Variants in TMTC1 observed in about 807,000 individuals in gnomAD.
TMTC1 encodes the protein protein O-mannosyl-transferase TMTC1.
TMTC1 carries 73 observed loss-of-function variants against 104.8 expected under a neutral mutation model. The observed-to-expected ratio is 0.70, with a 90% CI of 0.58 to 0.85. The LOEUF (loss-of-function observed/expected upper bound fraction) is 0.85, where lower values mean the gene tolerates loss of function less well. Ranked by LOEUF, TMTC1 falls within the 40% of genes least tolerant of loss-of-function variation. The pLI, the probability that TMTC1 is intolerant of heterozygous loss-of-function variation, is 0.00. For synonymous variants in TMTC1, 434 were observed against 428.7 expected (o/e 1.01, Z -0.15); for missense variants, 1,035 against 1,096.1 (o/e 0.94, Z 0.79).
At chr12:29,661,370 T>A in intron 5 of TMTC1, 5 of 975,408 alleles carry the variant, frequency 5.1e-6, no homozygotes, top group Non-Finnish European at 6.1e-6. Flanking sequence ...ACCTCACAGA[T>A]CTCTTACCTC....
chr12:29,551,834 G>A (rs1945114991), intron 10 of TMTC1, among the ~76,000 whole-genome samples: 1 of 143,674 alleles, frequency 7.0e-6, no homozygotes. Flanking sequence ...AAGCCAACAA[G>A]AATTAATATA....
At position 29,751,771 on chromosome 12, in the gene TMTC1, C is replaced by A; in HGVS notation, c.833G>T (p.Arg278Leu). The A allele has an allele frequency of 1.9e-6, 3 of 1,614,030 alleles. No individual in the cohort carries two copies. The highest frequency in any genetic ancestry group is 2.5e-6 in the Non-Finnish European group (3 of 1,180,002). ...ACCCCAAGCTCCTTTGTGAGGGAAC[C>A]GCTGCTGCTTCCCATTCTCCCGGTG... ...HPHRENGKQQ[R>L]FPHKGAWGGC... The change falls in exon 5 of 18, where the codon CGG (arginine) becomes CTG (leucine). Residue 278 changes from arginine to leucine, a missense_variant. Physicochemically the swap from Arg to Leu is moderately radical, Grantham distance 102. Coordinates refer to ENST00000539277, the MANE Select transcript of TMTC1 (RefSeq NM_001193451.2).
chr12:29,752,341 T>A (rs943132515), intron 4 of TMTC1, among the ~76,000 whole-genome samples: 1 of 152,174 alleles, frequency 6.6e-6, no homozygotes, highest in African/African-American at 2.4e-5. Context: ...GTAACTCACA[T>A]AACCCACTAG....
intron 1 of TMTC1, among the ~76,000 whole-genome samples, chr12:29,780,482 T>G (rs889657289): frequency 2.6e-5 from 4 of 152,276 alleles, no homozygotes; most frequent in African/African-American, 9.6e-5. Flanking sequence ...TGTTATGGAT[T>G]TGGGTGAGGG....
chr12:29,567,218 C>T (rs1279535665), intron 9 of TMTC1, among the ~76,000 whole-genome samples: 1 of 152,196 alleles, frequency 6.6e-6, no homozygotes, highest in Non-Finnish European at 1.5e-5. Flanking sequence ...AATAAACTTC[C>T]TGCTTGCAAA....
chr12:29,701,521 C>T (rs187343235), intron 5 of TMTC1, among the ~76,000 whole-genome samples: 48 of 152,338 alleles, frequency 3.2e-4, no homozygotes, highest in Middle Eastern at 3.4e-3. Context: ...CCCCTTCCTT[C>T]CTACTCTGCT....
At chr12:29,515,402 T>C (rs1943955169) in intron 15 of TMTC1, among the ~76,000 whole-genome samples, 1 of 152,178 alleles carries the variant, frequency 6.6e-6, no homozygotes, top group African/African-American at 2.4e-5. Flanking sequence ...AGGAGTCTCC[T>C]CCCAGCAGCC....
intron 5 of TMTC1, among the ~76,000 whole-genome samples, chr12:29,660,467 G>A (rs1378878438): frequency 6.6e-6 from 1 of 152,156 alleles, no homozygotes; most frequent in Non-Finnish European, 1.5e-5. Context: ...AAAGCTGGGG[G>A]TGGTTTGTTA....
At chr12:29,637,085 A>AAAACACACACACACACACACAC (rs374276185) in intron 5 of TMTC1, among the ~76,000 whole-genome samples, 2 of 47,644 alleles carry the variant, frequency 4.2e-5, no homozygotes, top group Non-Finnish European at 1.2e-4. Flanking sequence ...CAAAATGAGA[A>AAAACACACACACACACACACAC]ACACACACAC....
intron 5 of TMTC1, among the ~76,000 whole-genome samples, chr12:29,723,627 G>A (rs1046058977): frequency 3.3e-5 from 5 of 151,898 alleles, no homozygotes; most frequent in African/African-American, 7.3e-5. Context: ...TAGATGGATC[G>A]CAGGAGCACA....
At chr12:29,709,090 G>T (rs1192426333) in intron 5 of TMTC1, among the ~76,000 whole-genome samples, 1 of 152,028 alleles carries the variant, frequency 6.6e-6, no homozygotes, top group Non-Finnish European at 1.5e-5. Flanking sequence ...GTTTATTTTT[G>T]CACTATATAT....
chr12:29,713,405 C>A (rs1941991827), intron 5 of TMTC1, among the ~76,000 whole-genome samples: 2 of 151,834 alleles, frequency 1.3e-5, no homozygotes, highest in East Asian at 3.9e-4. Context: ...CTAATGTTCT[C>A]CATCAGTTTG....
rs376455134 is a variant in TMTC1 at position 29,755,665 on chromosome 12, G to T, written c.731+44C>A. On this transcript the variant is annotated intron_variant, in intron 4 of 17. Coordinates refer to ENST00000539277, the MANE Select transcript of TMTC1 (RefSeq NM_001193451.2). ...GGAAACTATTAAGTAATTTTTCTCT[G>T]CCCATGACATGCCATTTGATATCAA... 40 of 1,564,326 alleles carry T rather than the reference G, an allele frequency of 2.6e-5. No homozygotes were observed. In the African/African-American group the frequency reaches 5.4e-4, roughly 21 times the overall value.
chr12:29,578,784 GA>G (rs765197823), intron 8 of TMTC1, among the ~76,000 whole-genome samples: 48 of 152,198 alleles, frequency 3.2e-4, no homozygotes, highest in Non-Finnish European at 6.2e-4. Flanking sequence ...GAACAAACAT[GA>G]AAAAAATACT....
At chr12:29,738,306 T>A (rs1271463262) in intron 5 of TMTC1, among the ~76,000 whole-genome samples, 1 of 152,174 alleles carries the variant, frequency 6.6e-6, no homozygotes, top group Non-Finnish European at 1.5e-5. Context: ...GGAAGGAAAT[T>A]CTAAAATCAT....
chr12:29,545,145 GT>G (rs34797952), intron 10 of TMTC1, among the ~76,000 whole-genome samples: 114,027 of 149,978 alleles, frequency 0.76, 43,396 homozygotes, highest in Middle Eastern at 0.87. Flanking sequence ...TCACAGATGG[GT>G]TTTTTTTTTT....
rs1939926279 is a variant in TMTC1 at position 29,659,754 on chromosome 12, A to G, written c.939-26418T>C. On this transcript the variant is annotated intron_variant, in intron 5 of 17. Transcript: ENST00000539277. ...ATTTATTGGAAACAATTTCAAATGTATAGTTTCTTTTCTCCCCACATGGAG... is the reference window on the plus strand; with the variant it reads ...ATTTATTGGAAACAATTTCAAATGTGTAGTTTCTTTTCTCCCCACATGGAG... 4 of 646,536 alleles carry G rather than the reference A, an allele frequency of 6.2e-6. No homozygotes were observed. In the South Asian group the frequency reaches 6.8e-5, roughly 11 times the overall value. 40.0% of individuals were successfully genotyped at this position (646,536 alleles called of 1,614,324 possible).
intron 7 of TMTC1, among the ~76,000 whole-genome samples, chr12:29,593,048 G>A (rs990774336): frequency 2.6e-5 from 4 of 152,152 alleles, no homozygotes; most frequent in Non-Finnish European, 1.5e-5. Context: ...AGGGAACTGG[G>A]AATTCACTGG....
chr12:29,660,188 C>G (rs1244508539), intron 5 of TMTC1, among the ~76,000 whole-genome samples: 1 of 152,156 alleles, frequency 6.6e-6, no homozygotes, highest in South Asian at 2.1e-4. Flanking sequence ...GGAGGTGCAG[C>G]AACTTTTAGT....
Sources: allele counts gnomAD v4.1 joint callset (sites outside exome capture counted in the v4.1 genomes callset), GRCh38; gene constraint gnomAD v4.1.1; transcripts MANE v1.5; gene names NCBI Gene and HGNC (gene_info 2026-07-23, HGNC 2026-07-21).